KIF6: variants seen among roughly 807,000 people sequenced by gnomAD.
The protein encoded by KIF6 is kinesin-like protein KIF6.
KIF6 carries 106 observed loss-of-function variants against 112.7 expected under a neutral mutation model. That is an observed-to-expected ratio of 0.94 (90% confidence interval 0.80 to 1.11). The LOEUF (loss-of-function observed/expected upper bound fraction) is 1.11. KIF6 is among the 50% of genes least tolerant of loss of function. The probability of loss-of-function intolerance (pLI) is 0.00; values close to 1 mark genes in which losing one functional copy is unlikely to be tolerated. For missense variants in KIF6, 929 were observed against 964.0 expected (o/e 0.96, Z 0.48); for synonymous variants, 339 against 339.9 (o/e 1.00, Z 0.03).
chr6:39,561,308 C>T (rs574817367), intron 10 of KIF6, among the ~76,000 whole-genome samples: 51 of 151,842 alleles, frequency 3.4e-4, no homozygotes, highest in African/African-American at 1.2e-3. Flanking sequence ...AAGTGTTTTT[C>T]AAGAAAAGAA....
At position 39,714,859 on chromosome 6, in the gene KIF6, C is replaced by A; in HGVS notation, c.177-93G>T. ...GTTTTTCTGAAAGCTCTATTAATTA[C>A]CCCATATTTACATCACTGGGCTTAC... is the stretch of plus-strand genomic sequence containing the variant. On this transcript the variant is annotated intron_variant, in intron 2 of 22. Coordinates refer to ENST00000287152, the MANE Select transcript of KIF6 (RefSeq NM_145027.6). The A allele has an allele frequency of 4.7e-6, 4 of 842,978 alleles. No individual in the cohort carries two copies. The Admixed American group carries it at 8.7e-5, about 18-fold the overall frequency. 52.2% of individuals were successfully genotyped at this position (842,978 alleles called of 1,614,324 possible). A position where few individuals can be genotyped will look rare whatever the true frequency, so the allele number is the denominator to read the frequency against.
intron 13 of KIF6, among the ~76,000 whole-genome samples, chr6:39,468,521 G>A (rs955332113): frequency 6.6e-6 from 1 of 152,100 alleles, no homozygotes; most frequent in Non-Finnish European, 1.5e-5. Context: ...AAAAGCTGAC[G>A]TTTAATGAGA....
At chr6:39,411,219 A>G (rs568522981) in intron 15 of KIF6, among the ~76,000 whole-genome samples, 5 of 152,334 alleles carry the variant, frequency 3.3e-5, no homozygotes, top group South Asian at 4.1e-4. Context: ...GCAGACAGGC[A>G]CAGAGGGAGC....
intron 2 of KIF6, among the ~76,000 whole-genome samples, chr6:39,717,392 T>G (rs977828788): frequency 2.0e-5 from 3 of 152,200 alleles, no homozygotes; most frequent in Non-Finnish European, 4.4e-5. Flanking sequence ...TCACTCTTGC[T>G]ATTCCCTTGG....
chr6:39,648,593 C>T (rs991007743), intron 3 of KIF6, among the ~76,000 whole-genome samples: 3 of 152,064 alleles, frequency 2.0e-5, no homozygotes, highest in African/African-American at 4.8e-5. Flanking sequence ...TGCCTTTTTG[C>T]GAGACATGTT....
At chr6:39,495,644 C>G (rs1386580606) in intron 13 of KIF6, among the ~76,000 whole-genome samples, 4 of 152,168 alleles carry the variant, frequency 2.6e-5, no homozygotes, top group Non-Finnish European at 5.9e-5. Flanking sequence ...ATGGATTAAA[C>G]AAAACAAATA....
intron 10 of KIF6, among the ~76,000 whole-genome samples, chr6:39,553,151 A>G (rs1317576261): frequency 6.6e-6 from 1 of 152,190 alleles, no homozygotes; most frequent in Non-Finnish European, 1.5e-5. Flanking sequence ...CCCTAGCCCT[A>G]ACCAGTTAGT....
chr6:39,425,673 CTTT>C (rs55923524), intron 14 of KIF6, among the ~76,000 whole-genome samples: 1 of 144,522 alleles, frequency 6.9e-6, no homozygotes, highest in Non-Finnish European at 1.5e-5. Flanking sequence ...TTTTGAGTAC[CTTT>C]TTTTTTTTTT....
chr6:39,590,438 T>G (rs1263573957), intron 7 of KIF6, among the ~76,000 whole-genome samples: 4 of 127,486 alleles, frequency 3.1e-5, no homozygotes, highest in Non-Finnish European at 6.5e-5. Context: ...TGTATATATA[T>G]ATATATATAT....
At position 39,544,786 on chromosome 6, in the gene KIF6, A is replaced by G. The variant is rs1335063051; in HGVS notation, c.1288-93T>C. ...TTTCCTTTAACAATTCCCTGCACAC[A>G]TCAGGCATGTGTGACCTGTCTGATG... On this transcript the variant is annotated intron_variant, in intron 11 of 22. Transcript: ENST00000287152. The G allele has an allele frequency of 3.1e-5, 22 of 716,686 alleles. No individual in the cohort carries two copies. In the Admixed American group the frequency reaches 5.9e-4, roughly 19 times the overall value. The allele number at this position is 716,686 out of a possible 1,614,324, so 44.4% of individuals were successfully genotyped here.
intron 13 of KIF6, among the ~76,000 whole-genome samples, chr6:39,534,250 G>T (rs1464568091): frequency 6.6e-6 from 1 of 152,142 alleles, no homozygotes; most frequent in Non-Finnish European, 1.5e-5. Flanking sequence ...GGCTTCAGAC[G>T]ATCAAACTAC....
intron 6 of KIF6, among the ~76,000 whole-genome samples, chr6:39,599,115 T>C (rs1262731899): frequency 1.3e-5 from 2 of 152,218 alleles, no homozygotes; most frequent in Non-Finnish European, 2.9e-5. Flanking sequence ...GGATGTTGGT[T>C]ACATTATTCT....
chr6:39,676,595 AAAAC>A (rs1241277533), intron 3 of KIF6, among the ~76,000 whole-genome samples: 1 of 152,140 alleles, frequency 6.6e-6, no homozygotes, highest in African/African-American at 2.4e-5. Context: ...GAGTCATATA[AAAAC>A]AAGATAGAAT....
At chr6:39,714,585 G>A (rs1234753025) in intron 3 of KIF6, 107 bp downstream of exon 3, 8 of 712,470 alleles carry the variant, frequency 1.1e-5, no homozygotes, top group African/African-American at 1.8e-5. Flanking sequence ...ATGTCCTGCA[G>A]CCTAAGTATA....
intron 13 of KIF6, among the ~76,000 whole-genome samples, chr6:39,475,217 A>AAT (rs1774354691): frequency 1.3e-5 from 2 of 152,142 alleles, no homozygotes. Flanking sequence ...TGGAGATGGA[A>AAT]ATAATTACCC....
At chr6:39,356,268 CCTT>C (rs574731655) in intron 19 of KIF6, among the ~76,000 whole-genome samples, 98 of 151,752 alleles carry the variant, frequency 6.5e-4, no homozygotes, top group African/African-American at 2.2e-3. Flanking sequence ...CTGTCTGACA[CCTT>C]CTTCTTTTTT....
intron 10 of KIF6, among the ~76,000 whole-genome samples, chr6:39,575,797 G>C (rs1015144696): frequency 1.3e-5 from 2 of 151,842 alleles, no homozygotes; most frequent in Non-Finnish European, 2.9e-5. Context: ...TCCTGCTCCA[G>C]GGCTCCACAC....
At chr6:39,666,708 T>C (rs1786480850) in intron 3 of KIF6, among the ~76,000 whole-genome samples, 1 of 152,168 alleles carries the variant, frequency 6.6e-6, no homozygotes, top group Admixed American at 6.5e-5. Flanking sequence ...AAGGCAAGCA[T>C]GGTGTTATGT....
At chr6:39,694,041 C>T (rs1258398822) in intron 3 of KIF6, among the ~76,000 whole-genome samples, 1 of 151,226 alleles carries the variant, frequency 6.6e-6, no homozygotes, top group African/African-American at 2.4e-5. Context: ...TGTGATTCAC[C>T]AAGTAGAATT....
Sources: allele counts gnomAD v4.1 joint callset (sites outside exome capture counted in the v4.1 genomes callset), GRCh38; gene constraint gnomAD v4.1.1; transcripts MANE v1.5; gene names NCBI Gene and HGNC (gene_info 2026-07-23, HGNC 2026-07-21).